The following CAMK1D variants were observed in gnomAD, a reference collection of about 807,000 sequenced individuals.
CAMK1D encodes the protein calcium/calmodulin-dependent protein kinase type 1D.
CAMK1D carries 9 observed loss-of-function variants against 47.7 expected under a neutral mutation model. That is an observed-to-expected ratio of 0.19 (90% confidence interval 0.11 to 0.33). The LOEUF (loss-of-function observed/expected upper bound fraction) is 0.33, where lower values mean the gene tolerates loss of function less well. Ranked by LOEUF, CAMK1D falls within the 10% of genes least tolerant of loss-of-function variation. The pLI is 1.00. For missense variants in CAMK1D, 291 were observed against 488.7 expected (o/e 0.60, Z 3.81); for synonymous variants, 184 against 184.9 (o/e 0.99, Z 0.04).
chr10:12,768,062 G>A (rs777920258), intron 4 of CAMK1D, among the ~76,000 whole-genome samples: 5 of 152,052 alleles, frequency 3.3e-5, no homozygotes, highest in Non-Finnish European at 2.9e-5. Flanking sequence ...TAGTAGAGAC[G>A]GGGTTTCGCC....
intron 3 of CAMK1D, among the ~76,000 whole-genome samples, chr10:12,683,706 T>C (rs1407931476): frequency 6.6e-6 from 1 of 151,518 alleles, no homozygotes; most frequent in Non-Finnish European, 1.5e-5. Flanking sequence ...AATAGGTTCA[T>C]AATAAATTAT....
At position 12,734,387 on chromosome 10, in the gene CAMK1D, T is replaced by TAG. The variant is rs1478744098; in HGVS notation, c.300-26560_300-26559insGA. Among the ~76,000 whole-genome samples, 72 of 1,764 alleles carry TAG rather than the reference T, an allele frequency of 0.041. 3 individuals are homozygous for TAG. In the East Asian group the frequency reaches 0.44, roughly 11 times the overall value. The allele number at this position is 1,764 out of a possible 152,430, so 1.2% of individuals were successfully genotyped here. On this transcript the variant is annotated intron_variant, in intron 3 of 10. Transcript: ENST00000619168. ...ATATATATATATATATAGATATAGA[T>TAG]ATAGATATATATATATATACACACA... is the stretch of plus-strand genomic sequence containing the variant.
intron 1 of CAMK1D, among the ~76,000 whole-genome samples, chr10:12,369,062 A>G (rs1411869785): frequency 1.3e-5 from 2 of 152,004 alleles, no homozygotes; most frequent in Non-Finnish European, 2.9e-5. Context: ...TGCTCTGCCC[A>G]CCTCTGTCTC....
chr10:12,790,028 G>A (rs1483347528), intron 5 of CAMK1D, among the ~76,000 whole-genome samples: 3 of 152,254 alleles, frequency 2.0e-5, no homozygotes, highest in Admixed American at 2.0e-4. Context: ...CTGGGCGATG[G>A]CCACAGGCCA....
intron 1 of CAMK1D, among the ~76,000 whole-genome samples, chr10:12,527,265 G>A (rs985190825): frequency 1.3e-5 from 2 of 150,730 alleles, no homozygotes; most frequent in Admixed American, 1.3e-4. Context: ...GGGACTGCTT[G>A]TCTCAGTCCT....
chr10:12,452,693 C>G (rs551369466), intron 1 of CAMK1D, among the ~76,000 whole-genome samples: 140 of 152,036 alleles, frequency 9.2e-4, no homozygotes, highest in African/African-American at 3.3e-3. Flanking sequence ...TCAAACAATT[C>G]TCCTGCCTCA....
intron 1 of CAMK1D, among the ~76,000 whole-genome samples, chr10:12,395,065 A>AT (rs5783265): frequency 0.012 from 1,157 of 94,730 alleles, 17 homozygotes; most frequent in Non-Finnish European, 0.015. Context: ...TAAAATTTTA[A>AT]TTTTTTTTTT....
chr10:12,514,718 C>T (rs1355636587), intron 1 of CAMK1D, among the ~76,000 whole-genome samples: 1 of 152,240 alleles, frequency 6.6e-6, no homozygotes. Flanking sequence ...AGCTGTCTTG[C>T]AGCTTGAAAG....
At chr10:12,404,698 A>T (rs552124761) in intron 1 of CAMK1D, among the ~76,000 whole-genome samples, 1,490 of 146,046 alleles carry the variant, frequency 0.01, 21 homozygotes, top group African/African-American at 0.035. Context: ...GTTTTTAAAA[A>T]TTTTTTTTTT....
At chr10:12,763,628 G>A (rs1026942723) in intron 4 of CAMK1D, among the ~76,000 whole-genome samples, 8 of 152,186 alleles carry the variant, frequency 5.3e-5, no homozygotes, top group South Asian at 4.1e-4. Context: ...ATTGTTAACA[G>A]CTACAAATGT....
intron 1 of CAMK1D, among the ~76,000 whole-genome samples, chr10:12,394,403 C>T (rs1278248465): frequency 2.0e-5 from 3 of 152,162 alleles, no homozygotes; most frequent in African/African-American, 7.2e-5. Context: ...GTGCCTCTCC[C>T]CTTTCTGGAC....
chr10:12,356,361 T>C (rs1837516539), intron 1 of CAMK1D, among the ~76,000 whole-genome samples: 1 of 152,194 alleles, frequency 6.6e-6, no homozygotes, highest in African/African-American at 2.4e-5. Flanking sequence ...GCACCTGCTC[T>C]GTCTACACAT....
At chr10:12,574,720 A>T (rs562087226) in intron 2 of CAMK1D, among the ~76,000 whole-genome samples, 2 of 152,194 alleles carry the variant, frequency 1.3e-5, no homozygotes, top group South Asian at 4.1e-4. Flanking sequence ...TTATAAGAAA[A>T]GATGTTTAAT....
chr10:12,644,900 TA>T (rs2132495768), intron 2 of CAMK1D, among the ~76,000 whole-genome samples: 1 of 152,336 alleles, frequency 6.6e-6, no homozygotes, highest in African/African-American at 2.4e-5. Context: ...TTCAATGGCT[TA>T]CCTAGAAATT....
At chr10:12,641,039 A>G (rs1384888360) in intron 2 of CAMK1D, among the ~76,000 whole-genome samples, 1 of 151,828 alleles carries the variant, frequency 6.6e-6, no homozygotes, top group Non-Finnish European at 1.5e-5. Flanking sequence ...GCTCACTGCA[A>G]CCTCAACCTC....
Position 12,817,838 on chromosome 10 carries a change from C to T in CAMK1D, c.833+1510C>T, listed in dbSNP as rs182699407. ...CGCAAGTAGCTGTGATTAACAGGCA[C>T]CACCATGCCCAGCTAATTTTTTGTA... On this transcript the variant is annotated intron_variant, in intron 8 of 10. Transcript: ENST00000619168. 1.7e-3 allele frequency among the ~76,000 whole-genome samples: 261 copies of T among 152,166 alleles called. 2 individuals carry two copies. The highest frequency in any genetic ancestry group is 6.2e-3 in the South Asian group (30 of 4,814).
intron 1 of CAMK1D, among the ~76,000 whole-genome samples, chr10:12,551,527 A>G (rs989897178): frequency 2.6e-5 from 4 of 152,152 alleles, no homozygotes; most frequent in African/African-American, 9.7e-5. Context: ...GGTCGAGGCG[A>G]GTGAATCACT....
At chr10:12,668,626 C>T (rs45539334) in intron 3 of CAMK1D, among the ~76,000 whole-genome samples, 5,595 of 152,232 alleles carry the variant, frequency 0.037, 143 homozygotes, top group Middle Eastern at 0.079. Context: ...CTTCAGTACA[C>T]GTGGTTTCTC....
intron 3 of CAMK1D, among the ~76,000 whole-genome samples, chr10:12,755,084 T>C (rs978714575): frequency 2.6e-5 from 4 of 152,132 alleles, no homozygotes; most frequent in Non-Finnish European, 4.4e-5. Flanking sequence ...TCTGAACAGA[T>C]TGAGGCCTGG....
Sources: gnomAD v4.1 joint callset for allele counts (sites outside exome capture counted in the v4.1 genomes callset) on GRCh38, gnomAD v4.1.1 for gene constraint, MANE v1.5 for transcripts, NCBI Gene and HGNC (gene_info 2026-07-23, HGNC 2026-07-21) for gene names.